Variants in LARP4 observed in about 807,000 individuals in gnomAD.
LARP4 encodes the protein la-related protein 4.
In LARP4, 29 loss-of-function variants were observed where a neutral mutation model predicts 92.9. The ratio of observed to expected loss-of-function variants is 0.31; its 90% CI spans 0.23 to 0.43. The LOEUF (loss-of-function observed/expected upper bound fraction) is 0.43. LARP4 is among the 20% of genes least tolerant of loss of function. The pLI is 1.00. For synonymous variants in LARP4, 279 were observed against 284.1 expected, an observed-to-expected ratio of 0.98 and a Z score of 0.18; for missense variants, 732 against 860.0, an observed-to-expected ratio of 0.85 and a Z score of 1.86.
chr12:50,420,890 A>G (rs1334455517), intron 1 of LARP4: 2 of 151,952 alleles, frequency 1.3e-5, no homozygotes, highest in African/African-American at 2.4e-5. Flanking sequence ...GTTGACAGGT[A>G]TAAATCTAAA....
chr12:50,409,311 A>G (rs1384252450), intron 1 of LARP4, among the ~76,000 whole-genome samples: 2 of 152,268 alleles, frequency 1.3e-5, no homozygotes, highest in South Asian at 2.1e-4. Flanking sequence ...TGAGGACAAT[A>G]ATATGGGAGG....
intron 14 of LARP4, among the ~76,000 whole-genome samples, chr12:50,473,789 C>CG (rs1370040568): frequency 3.2e-4 from 3 of 9,366 alleles, no homozygotes; most frequent in South Asian, 1.7e-3. Context: ...TTGCTTGAAC[C>CG]GGGGGGTGGG....
intron 1 of LARP4, 55 bp from the exon 2 acceptor site, chr12:50,427,707 G>A: frequency 1.6e-6 from 2 of 1,221,866 alleles, no homozygotes; most frequent in Non-Finnish European, 1.1e-6. Context: ...ATCTGAATCT[G>A]TAATTTTCAT....
intron 4 of LARP4, among the ~76,000 whole-genome samples, chr12:50,432,934 C>T (rs1028778094): frequency 9.9e-5 from 15 of 151,488 alleles, no homozygotes; most frequent in African/African-American, 3.4e-4. Context: ...TTTGCTTGCA[C>T]TGGGACTTAA....
intron 8 of LARP4, among the ~76,000 whole-genome samples, chr12:50,446,181 A>G (rs1370400904): frequency 1.4e-5 from 2 of 146,758 alleles, no homozygotes; most frequent in Non-Finnish European, 3.0e-5. Context: ...TTATTTTTGT[A>G]TTTTTTAGTA....
chr12:50,456,609 AG>A (rs1593298962), intron 10 of LARP4, among the ~76,000 whole-genome samples: 1 of 152,290 alleles, frequency 6.6e-6, no homozygotes, highest in East Asian at 1.9e-4. Context: ...TAGAGAGAAT[AG>A]GACTAACTTT....
At position 50,439,197 on chromosome 12, in the gene LARP4, C is replaced by T. The variant is rs544562332; in HGVS notation, c.640-1242C>T. ...CAAGCAATCTGTGCACCTTGGCCTC[C>T]CAAAGTGCTGGGATTACAGGCGTGA... On this transcript the variant is annotated intron_variant, in intron 6 of 15. Transcript: ENST00000398473. Among the ~76,000 whole-genome samples, 8 of 152,210 alleles carry T rather than the reference C, an allele frequency of 5.3e-5. No homozygotes were observed. The East Asian group carries it at 1.2e-3, about 22-fold the overall frequency.
intron 1 of LARP4, among the ~76,000 whole-genome samples, chr12:50,425,508 A>G (rs530100073): frequency 1.3e-5 from 2 of 152,348 alleles, no homozygotes; most frequent in African/African-American, 4.8e-5. Flanking sequence ...TTGACATGGC[A>G]GGAGAGCTTG....
chr12:50,431,103 A>T (rs1007834826), intron 4 of LARP4, among the ~76,000 whole-genome samples: 4 of 152,032 alleles, frequency 2.6e-5, no homozygotes, highest in Non-Finnish European at 5.9e-5. Flanking sequence ...CCCCGTCTCT[A>T]CTAAAAATAC....
intron 4 of LARP4, among the ~76,000 whole-genome samples, chr12:50,432,154 C>CA (rs1949751694): frequency 2.0e-5 from 3 of 152,132 alleles, no homozygotes; most frequent in Admixed American, 2.0e-4. Flanking sequence ...GGGTCTGCTT[C>CA]TATTGTCTGG....
At chr12:50,437,707 G>T in intron 5 of LARP4, 28 bp from the exon 6 acceptor site, 1 of 1,289,820 alleles carries the variant, frequency 7.8e-7, no homozygotes, top group South Asian at 1.2e-5. Flanking sequence ...TGTCACGTTT[G>T]AGTGATACCC....
chr12:50,462,232 C>T (rs1022234086), intron 11 of LARP4, among the ~76,000 whole-genome samples: 2 of 152,090 alleles, frequency 1.3e-5, no homozygotes, highest in East Asian at 1.9e-4. Flanking sequence ...CCTGTAATCC[C>T]AGCACTTTGG....
At chr12:50,461,586 T>TAATA in intron 11 of LARP4, 1 of 427,356 alleles carries the variant, frequency 2.3e-6, no homozygotes, top group Non-Finnish European at 4.2e-6. Context: ...AAGTTCCTTA[T>TAATA]AGCTCATATA....
In LARP4 at chr12:50,474,011, A is replaced by G; in HGVS notation, c.1680A>G (p.Gln560=). 1 of 1,611,732 alleles carries G rather than the reference A, an allele frequency of 6.2e-7. No individual in the cohort carries two copies. The highest frequency in any genetic ancestry group is 1.1e-5 in the South Asian group (1 of 90,864). ...CTTTTTTCCTTAGCACAACTCAGCA[A>G]GAAAAGGATCTAATAGAAGATTCCT... ...AELTALSTTQ[Q]EKDLIEDSSV... is the part of the protein sequence containing the mutation. The change falls in exon 15 of 16, where the codon CAA becomes CAG. Residue 560 remains glutamine (Q), a synonymous_variant. Coordinates refer to ENST00000398473, the MANE Select transcript of LARP4 (RefSeq NM_052879.5).
At chr12:50,460,362 C>G (rs544811146) in intron 10 of LARP4, among the ~76,000 whole-genome samples, 1 of 152,218 alleles carries the variant, frequency 6.6e-6, no homozygotes, top group African/African-American at 2.4e-5. Context: ...AGGGTTTTCT[C>G]TGATGCCTGT....
chr12:50,434,358 A>G (rs1050537212), intron 4 of LARP4, among the ~76,000 whole-genome samples: 1 of 151,248 alleles, frequency 6.6e-6, no homozygotes, highest in Non-Finnish European at 1.5e-5. Context: ...TCTTTTTTTA[A>G]TGTACCTTAA....
intron 4 of LARP4, among the ~76,000 whole-genome samples, chr12:50,434,775 T>C (rs1009686648): frequency 7.9e-5 from 12 of 151,772 alleles, no homozygotes; most frequent in African/African-American, 2.9e-4. Flanking sequence ...CAGGGTGCGC[T>C]GGCTCACGCC....
intron 4 of LARP4, among the ~76,000 whole-genome samples, chr12:50,434,772 C>T (rs1000841962): frequency 2.0e-5 from 3 of 151,848 alleles, no homozygotes; most frequent in African/African-American, 4.8e-5. Flanking sequence ...GGACAGGGTG[C>T]GCTGGCTCAC....
chr12:50,409,161 AT>A (rs912301813), intron 1 of LARP4, among the ~76,000 whole-genome samples: 5 of 150,690 alleles, frequency 3.3e-5, no homozygotes, highest in East Asian at 1.9e-4. Flanking sequence ...TACATAAAAG[AT>A]TTTTTTTTTC....
Sources: gnomAD v4.1 joint callset for allele counts (sites outside exome capture counted in the v4.1 genomes callset) on GRCh38, gnomAD v4.1.1 for gene constraint, MANE v1.5 for transcripts, NCBI Gene and HGNC (gene_info 2026-07-23, HGNC 2026-07-21) for gene names.